Variants in ZNF267 observed in about 807,000 individuals in gnomAD.
The protein encoded by ZNF267 is zinc finger protein 267.
A neutral mutation model predicts 71.6 loss-of-function variants in ZNF267; 61 were observed. The ratio of observed to expected loss-of-function variants is 0.85; its 90% CI spans 0.69 to 1.05. The LOEUF (loss-of-function observed/expected upper bound fraction) is 1.05, where lower values mean the gene tolerates loss of function less well. ZNF267 is among the 50% of genes least tolerant of loss of function. ZNF267 has a pLI of 0.00. For synonymous variants in ZNF267, 288 were observed against 293.2 expected (o/e 0.98, Z 0.18); for missense variants, 852 against 870.0 (o/e 0.98, Z 0.26).
At chr16:31,874,113 C>T in intron 1 of ZNF267, 144 bp downstream of exon 1, 2 of 857,522 alleles carry the variant, frequency 2.3e-6, no homozygotes, top group Non-Finnish European at 3.6e-6. Context: ...GCTCGGCCCT[C>T]GGTCCCCTCC....
intron 1 of ZNF267, among the ~76,000 whole-genome samples, chr16:31,883,725 G>A (rs1206656954): frequency 1.3e-5 from 2 of 152,182 alleles, no homozygotes. Context: ...TGTTCAAAAA[G>A]GATTACTACC....
chr16:31,884,435 T>C, intron 1 of ZNF267, 63 bp from the exon 2 acceptor site: 1 of 1,607,432 alleles, frequency 6.2e-7, no homozygotes, highest in Non-Finnish European at 8.5e-7. Flanking sequence ...TCATTTCATC[T>C]TGGGACAAAT....
At chr16:31,908,405 A>G (rs1443969523) in intron 3 of ZNF267, among the ~76,000 whole-genome samples, 1 of 152,140 alleles carries the variant, frequency 6.6e-6, no homozygotes, top group Non-Finnish European at 1.5e-5. Context: ...TTTTAACTTG[A>G]CATGATCCCA....
intron 3 of ZNF267, chr16:31,894,394 C>T: frequency 2.5e-6 from 1 of 398,152 alleles, no homozygotes; most frequent in South Asian, 2.1e-5. Context: ...AGATCTCTTT[C>T]CGTTCATGTT....
At chr16:31,888,051 G>A (rs535896513) in intron 3 of ZNF267, among the ~76,000 whole-genome samples, 1 of 152,044 alleles carries the variant, frequency 6.6e-6, no homozygotes, top group Admixed American at 6.5e-5. Context: ...TTTCATCAGT[G>A]TTTTATAGAT....
intron 3 of ZNF267, chr16:31,894,617 TCAG>T (rs1190065768): frequency 2.1e-6 from 1 of 485,140 alleles, no homozygotes; most frequent in Non-Finnish European, 4.1e-6. Flanking sequence ...TTCAGTGCTT[TCAG>T]CACTTCAGCT....
intron 1 of ZNF267, among the ~76,000 whole-genome samples, chr16:31,883,098 A>C (rs1449900232): frequency 6.6e-6 from 1 of 152,242 alleles, no homozygotes; most frequent in East Asian, 1.9e-4. Context: ...TCACAAGCAT[A>C]TGCTTATTTA....
At position 31,914,547 on chromosome 16, in the gene ZNF267, T is replaced by C. The variant is rs534878941; in HGVS notation, c.298T>C (p.Ser100Pro). The change falls in exon 4 of 4, where the codon TCG (serine) becomes CCG (proline). Residue 100 changes from serine (S) to proline (P), a missense_variant. Transcript: ENST00000300870. ...AGAAGCTTCATTCCAAAAAGTGATA[T>C]CGAGGAGACATGGGAGCTGTGATCT... ...CTEASFQKVI[S>P]RRHGSCDLEN... 1.1e-5 allele frequency: 18 copies of C among 1,614,070 alleles called. No individual in the cohort carries two copies. The Middle Eastern group carries it at 4.9e-4, about 44-fold the overall frequency.
chr16:31,904,371 A>G (rs1276044762), intron 3 of ZNF267, among the ~76,000 whole-genome samples: 1 of 152,194 alleles, frequency 6.6e-6, no homozygotes, highest in African/African-American at 2.4e-5. Context: ...TGATCTGTCT[A>G]ATGTTGACAA....
intron 3 of ZNF267, among the ~76,000 whole-genome samples, chr16:31,903,902 C>T (rs2084064074): frequency 6.6e-6 from 1 of 152,082 alleles, no homozygotes; most frequent in Non-Finnish European, 1.5e-5. Context: ...TAGATCTTTC[C>T]TGCTTTCTCT....
Position 31,914,584 on chromosome 16 carries a change from A to G in ZNF267, c.335A>G (p.His112Arg), listed in dbSNP as rs1479600828. The G allele has an allele frequency of 1.9e-6, 3 of 1,614,180 alleles. No individual in the cohort carries two copies. The highest frequency in any genetic ancestry group is 2.5e-6 in the Non-Finnish European group (3 of 1,180,028). Reference protein sequence around the residue: ...RHGSCDLENLHLRKRWKREEC... With the variant: ...RHGSCDLENLRLRKRWKREEC... ...GGGAGCTGTGATCTTGAGAATTTAC[A>G]TTTAAGAAAAAGGTGGAAAAGGGAG... is the stretch of plus-strand genomic sequence containing the variant. The change falls in exon 4 of 4, where the codon CAT becomes CGT. Residue 112 changes from histidine (H) to arginine (R), a missense_variant. By Grantham distance (29) the His-to-Arg change is conservative. Coordinates refer to ENST00000300870, the MANE Select transcript of ZNF267 (RefSeq NM_003414.6).
intron 3 of ZNF267, chr16:31,894,399 C>T: frequency 2.5e-6 from 1 of 393,310 alleles, no homozygotes; most frequent in Non-Finnish European, 4.9e-6. Context: ...TCTTTCCGTT[C>T]ATGTTTGATG....
At chr16:31,885,726 C>T (rs550673565) in intron 3 of ZNF267, among the ~76,000 whole-genome samples, 24 of 152,216 alleles carry the variant, frequency 1.6e-4, no homozygotes, top group Non-Finnish European at 3.2e-4. Context: ...AATTTTTAAT[C>T]GTATTGTGGT....
intron 3 of ZNF267, among the ~76,000 whole-genome samples, chr16:31,895,966 A>T (rs2083995222): frequency 6.6e-6 from 1 of 152,104 alleles, no homozygotes; most frequent in Non-Finnish European, 1.5e-5. Context: ...AACTCTTTTT[A>T]GTAGGATATA....
At chr16:31,878,620 T>G (rs1029396105) in intron 1 of ZNF267, among the ~76,000 whole-genome samples, 2 of 37,374 alleles carry the variant, frequency 5.4e-5, no homozygotes, top group African/African-American at 7.7e-5. Flanking sequence ...TCTGCCTGCG[T>G]GGACCCAGGG....
At position 31,916,218 on chromosome 16, in the gene ZNF267, G is replaced by T. The variant is rs780628972; in HGVS notation, c.1969G>T (p.Glu657Ter). Residue 657 changes from glutamate to a stop codon, truncating the protein, a stop_gained, in exon 4 of 4, where the codon GAG (glutamate) becomes TAG (stop). Coordinates refer to ENST00000300870, the MANE Select transcript of ZNF267 (RefSeq NM_003414.6). LOFTEE classifies it high-confidence loss of function. ...TACACATCAGAGAAGTCATACTGGA[G>T]AGAGACCCTACAAATGTGAAGAATG... ...LTTHQRSHTG[E>*]RPYKCEECGK... is the part of the protein sequence containing the mutation. 4.3e-6 allele frequency: 7 copies of T among 1,613,830 alleles called. No individual in the cohort carries two copies. Among genetic ancestry groups the T allele is most frequent in the Admixed American group, 3.3e-5 (2 of 59,986 alleles).
intron 3 of ZNF267, among the ~76,000 whole-genome samples, chr16:31,903,182 G>A (rs1051361329): frequency 2.0e-5 from 3 of 152,058 alleles, no homozygotes; most frequent in African/African-American, 4.8e-5. Flanking sequence ...TGCTGGATTC[G>A]GTTTACCAGT....
At chr16:31,909,120 C>CTCTTTTTTTTTTTTTTT (rs2084115107) in intron 3 of ZNF267, among the ~76,000 whole-genome samples, 1 of 45,322 alleles carries the variant, frequency 2.2e-5, no homozygotes, top group Non-Finnish European at 3.8e-5. Flanking sequence ...CTTTTCTTTT[C>CTCTTTTTTTTTTTTTTT]TTTTTTTTTT....
At chr16:31,907,364 C>T (rs540654212) in intron 3 of ZNF267, among the ~76,000 whole-genome samples, 2 of 152,064 alleles carry the variant, frequency 1.3e-5, no homozygotes, top group African/African-American at 4.8e-5. Context: ...TTTTTTCCTT[C>T]ATTTTTTAAT....
Sources: gnomAD v4.1 joint callset for allele counts (sites outside exome capture counted in the v4.1 genomes callset) on GRCh38, gnomAD v4.1.1 for gene constraint, MANE v1.5 for transcripts, NCBI Gene and HGNC (gene_info 2026-07-23, HGNC 2026-07-21) for gene names.